SCMH1: variants seen among roughly 807,000 people sequenced by gnomAD.
SCMH1 encodes the protein polycomb protein SCMH1.
A neutral mutation model predicts 70.8 loss-of-function variants in SCMH1; 37 were observed. That is an observed-to-expected ratio of 0.52 (90% CI 0.40 to 0.69). The LOEUF (loss-of-function observed/expected upper bound fraction) is 0.69. Ranked by LOEUF, SCMH1 falls within the 30% of genes least tolerant of loss-of-function variation. The pLI is 0.00. For synonymous variants in SCMH1, 292 were observed against 307.4 expected, an observed-to-expected ratio of 0.95 and a Z score of 0.52; for missense variants, 607 against 827.3, an observed-to-expected ratio of 0.73 and a Z score of 3.27.
chr1:41,078,564 C>T (rs1444510825), intron 8 of SCMH1, among the ~76,000 whole-genome samples: 3 of 152,036 alleles, frequency 2.0e-5, no homozygotes, highest in Non-Finnish European at 2.9e-5. Flanking sequence ...AACAGCATTA[C>T]CGGAGCAACA....
chr1:41,066,622 G>A (rs1351056971), intron 10 of SCMH1, among the ~76,000 whole-genome samples: 2 of 152,158 alleles, frequency 1.3e-5, no homozygotes, highest in South Asian at 2.1e-4. Context: ...CACGCAGACT[G>A]GAGTGCAGTG....
At chr1:41,041,190 T>TA (rs1219889695) in intron 12 of SCMH1, 1 of 151,956 alleles carries the variant, frequency 6.6e-6, no homozygotes, top group African/African-American at 2.4e-5. Context: ...CCCAAAGACA[T>TA]AGCATAGTCC....
intron 12 of SCMH1, chr1:41,043,041 A>T (rs893894834): frequency 6.6e-6 from 1 of 152,222 alleles, no homozygotes; most frequent in African/African-American, 2.4e-5. Context: ...TAGTGTGACA[A>T]CTAGGGGAAA....
intron 1 of SCMH1, among the ~76,000 whole-genome samples, chr1:41,220,761 C>T (rs1659088871): frequency 6.6e-6 from 1 of 152,172 alleles, no homozygotes; most frequent in African/African-American, 2.4e-5. Flanking sequence ...TGGAACATAT[C>T]TTGTGCTATG....
At chr1:41,123,528 A>G (rs2147983170) in intron 6 of SCMH1, among the ~76,000 whole-genome samples, 1 of 152,140 alleles carries the variant, frequency 6.6e-6, no homozygotes, top group Middle Eastern at 3.4e-3. Flanking sequence ...CATCAGATCC[A>G]CTCCCAGAAA....
chr1:41,115,445 A>G (rs527440638), intron 7 of SCMH1, among the ~76,000 whole-genome samples: 12 of 152,040 alleles, frequency 7.9e-5, no homozygotes, highest in African/African-American at 2.9e-4. Flanking sequence ...CATTTTATTT[A>G]TTTATTTCTA....
At chr1:41,124,248 C>A (rs977675868) in intron 6 of SCMH1, among the ~76,000 whole-genome samples, 2 of 152,070 alleles carry the variant, frequency 1.3e-5, no homozygotes, top group Non-Finnish European at 2.9e-5. Flanking sequence ...CGACACTTCA[C>A]CCCTAAATAT....
At chr1:41,127,349 T>C (rs546719727) in intron 6 of SCMH1, among the ~76,000 whole-genome samples, 1 of 152,308 alleles carries the variant, frequency 6.6e-6, no homozygotes, top group East Asian at 1.9e-4. Flanking sequence ...AAAAATGTTT[T>C]AAAAAGTCAA....
chr1:41,237,885 G>C (rs953885612), intron 1 of SCMH1, among the ~76,000 whole-genome samples: 1 of 152,090 alleles, frequency 6.6e-6, no homozygotes, highest in African/African-American at 2.4e-5. Flanking sequence ...GCATGTAAAA[G>C]GTTCATTTCA....
chr1:41,242,096 T>G lies in SCMH1; in HGVS notation c.-155A>C. Reference sequence around the variant, plus strand: ...CGGGGGCGCGGGGCGGCTCACTCTCTTCCCGCCGCCATGTTTCCGCTGCGC... The same window carrying G: ...CGGGGGCGCGGGGCGGCTCACTCTCGTCCCGCCGCCATGTTTCCGCTGCGC... On this transcript the variant is annotated 5_prime_UTR_variant, in exon 1 of 15. Transcript: ENST00000337495. This position sits in a 1 kb window ranked among gnomAD's most constrained non-coding sequence, Gnocchi z 5.2. The G allele has an allele frequency of 6.9e-6, 1 of 145,646 alleles. No homozygotes were observed. The allele number at this position is 145,646 out of a possible 1,614,324, so 9.0% of individuals were successfully genotyped here.
At chr1:41,028,783 C>T in intron 13 of SCMH1, 57 bp from the exon 15 acceptor site, 1 of 1,589,546 alleles carries the variant, frequency 6.3e-7, no homozygotes, top group Non-Finnish European at 8.6e-7. Flanking sequence ...TAAATCCCCA[C>T]CACTCTCCTT....
intron 8 of SCMH1, among the ~76,000 whole-genome samples, chr1:41,102,437 T>C (rs1666856935): frequency 6.6e-6 from 1 of 152,244 alleles, no homozygotes; most frequent in South Asian, 2.1e-4. Context: ...TCCAGTTCAC[T>C]TAAACAGCAT....
intron 10 of SCMH1, among the ~76,000 whole-genome samples, chr1:41,067,720 G>A (rs1485306101): frequency 6.6e-6 from 1 of 152,076 alleles, no homozygotes; most frequent in East Asian, 1.9e-4. Context: ...TATACATGAT[G>A]GTGGATATAT....
At chr1:41,235,371 A>C (rs1662152984) in intron 1 of SCMH1, among the ~76,000 whole-genome samples, 1 of 151,794 alleles carries the variant, frequency 6.6e-6, no homozygotes, top group Non-Finnish European at 1.5e-5. Flanking sequence ...AGGAGTTTGA[A>C]ACCAGCCTGA....
chr1:41,140,386 G>A (rs1441095232), intron 6 of SCMH1, among the ~76,000 whole-genome samples: 1 of 151,920 alleles, frequency 6.6e-6, no homozygotes, highest in Non-Finnish European at 1.5e-5. Flanking sequence ...TTCGCCTCCC[G>A]GGTTCAACTG....
At chr1:41,119,081 GAA>G (rs1671245467) in intron 6 of SCMH1, among the ~76,000 whole-genome samples, 1 of 152,132 alleles carries the variant, frequency 6.6e-6, no homozygotes, top group Non-Finnish European at 1.5e-5. Flanking sequence ...GTGAGCAAAC[GAA>G]AAGACAGGAT....
chr1:41,137,702 C>T (rs909269811), intron 6 of SCMH1, among the ~76,000 whole-genome samples: 10 of 152,210 alleles, frequency 6.6e-5, no homozygotes, highest in African/African-American at 2.4e-4. Context: ...GCAAGTTCCA[C>T]CAACATAGCA....
At chr1:41,066,875 C>A (rs888761848) in intron 10 of SCMH1, among the ~76,000 whole-genome samples, 2 of 152,110 alleles carry the variant, frequency 1.3e-5, no homozygotes, top group Non-Finnish European at 2.9e-5. Flanking sequence ...CAGGCATGAG[C>A]CACTGTGCCC....
At chr1:41,213,907 A>G (rs954431343) in intron 1 of SCMH1, among the ~76,000 whole-genome samples, 1 of 152,098 alleles carries the variant, frequency 6.6e-6, no homozygotes. Context: ...AAAAACCTTT[A>G]AATTATTTCA....
Sources: allele counts gnomAD v4.1 joint callset (sites outside exome capture counted in the v4.1 genomes callset), GRCh38; gene constraint gnomAD v4.1.1; non-coding constraint Gnocchi (gnomAD v3.1); transcripts MANE v1.5; gene names NCBI Gene and HGNC (gene_info 2026-07-23, HGNC 2026-07-21).